RMND1: variants seen among roughly 807,000 people sequenced by gnomAD.
RMND1 encodes required for meiotic nuclear division 1 homolog.
Under a neutral mutation model 54.0 loss-of-function variants are expected in RMND1, and 41 were observed. The observed-to-expected ratio is 0.76, with a 90% CI of 0.59 to 0.98. The LOEUF (loss-of-function observed/expected upper bound fraction) is 0.98, where lower values mean the gene tolerates loss of function less well. RMND1 is among the 50% of genes least tolerant of loss of function. The probability of loss-of-function intolerance (pLI) is 0.00; values close to 1 mark genes in which losing one functional copy is unlikely to be tolerated. For synonymous variants in RMND1, 183 were observed against 181.7 expected, an observed-to-expected ratio of 1.01 and a Z score of -0.06; for missense variants, 457 against 532.0, an observed-to-expected ratio of 0.86 and a Z score of 1.39.
intron 10 of RMND1, among the ~76,000 whole-genome samples, chr6:151,406,351 C>CT (rs34311470): frequency 4.7e-5 from 7 of 149,570 alleles, no homozygotes; most frequent in South Asian, 2.1e-4. Context: ...GATGTGACAA[C>CT]TTTTTTTTTT....
chr6:151,418,965 T>A (rs1215403537), intron 9 of RMND1, among the ~76,000 whole-genome samples: 1 of 152,102 alleles, frequency 6.6e-6, no homozygotes, highest in Non-Finnish European at 1.5e-5. Context: ...AGATGGGGTT[T>A]CTCCATGTTG....
At chr6:151,430,943 T>A (rs1163328479) in intron 4 of RMND1, among the ~76,000 whole-genome samples, 1 of 151,740 alleles carries the variant, frequency 6.6e-6, no homozygotes, top group Non-Finnish European at 1.5e-5. Flanking sequence ...TGTGGGTCCA[T>A]GCTTAGTATT....
chr6:151,442,729 G>A (rs1780820137), intron 2 of RMND1, among the ~76,000 whole-genome samples: 4 of 146,154 alleles, frequency 2.7e-5, no homozygotes, highest in Non-Finnish European at 4.5e-5. Context: ...TTTTAGAAAT[G>A]GGAGTCTTGC....
At chr6:151,416,468 G>A (rs1279362487) in intron 10 of RMND1, 1 of 139,728 alleles carries the variant, frequency 7.2e-6, no homozygotes, top group East Asian at 2.1e-4. Context: ...CTGTCATCCA[G>A]GCTGGAGTGC....
chr6:151,406,888 G>A (rs1020424776), intron 10 of RMND1, among the ~76,000 whole-genome samples: 4 of 152,026 alleles, frequency 2.6e-5, no homozygotes, highest in African/African-American at 7.2e-5. Flanking sequence ...GGCTGGGCTC[G>A]GTGGCTTATG....
At chr6:151,438,987 A>G (rs951473805) in intron 2 of RMND1, among the ~76,000 whole-genome samples, 7 of 152,028 alleles carry the variant, frequency 4.6e-5, no homozygotes, top group African/African-American at 1.7e-4. Context: ...GGTGGCACAC[A>G]CCTGTAATCC....
At chr6:151,412,581 C>T (rs1712074959) in intron 10 of RMND1, among the ~76,000 whole-genome samples, 1 of 152,142 alleles carries the variant, frequency 6.6e-6, no homozygotes, top group African/African-American at 2.4e-5. Context: ...TGTATTAGTC[C>T]AGTCTCTCAC....
intron 10 of RMND1, among the ~76,000 whole-genome samples, chr6:151,415,866 G>C (rs955502269): frequency 6.6e-6 from 1 of 151,962 alleles, no homozygotes; most frequent in African/African-American, 2.4e-5. Flanking sequence ...CAAAATTATG[G>C]AGATGGAGAA....
chr6:151,451,377 C>A (rs1296818450), intron 1 of RMND1, among the ~76,000 whole-genome samples: 1 of 151,952 alleles, frequency 6.6e-6, no homozygotes, highest in Non-Finnish European at 1.5e-5. Flanking sequence ...GACAATACAG[C>A]TGAAAATAAA....
intron 10 of RMND1, among the ~76,000 whole-genome samples, chr6:151,416,128 G>A (rs1039536508): frequency 1.3e-4 from 19 of 151,558 alleles, no homozygotes; most frequent in Middle Eastern, 3.2e-3. Flanking sequence ...ACAGGCACGC[G>A]CCACCACACC....
intron 2 of RMND1, among the ~76,000 whole-genome samples, chr6:151,439,671 A>G (rs1780714177): frequency 1.3e-5 from 2 of 152,006 alleles, no homozygotes; most frequent in South Asian, 2.1e-4. Context: ...TATTATTATT[A>G]TATTTTTGAG....
chr6:151,415,993 T>C (rs1418739875), intron 10 of RMND1, among the ~76,000 whole-genome samples: 1 of 151,804 alleles, frequency 6.6e-6, no homozygotes, highest in Admixed American at 6.6e-5. Flanking sequence ...GTTTTGTTTT[T>C]TTTGAGATGG....
At chr6:151,421,090 T>C in intron 9 of RMND1, 155 bp downstream of exon 9, 1 of 598,098 alleles carries the variant, frequency 1.7e-6, no homozygotes, top group Non-Finnish European at 3.0e-6. Flanking sequence ...CTACTTCTAA[T>C]GGGTAAGAGT....
chr6:151,407,391 G>A (rs1292894942), intron 10 of RMND1, among the ~76,000 whole-genome samples: 1 of 151,936 alleles, frequency 6.6e-6, no homozygotes, highest in Non-Finnish European at 1.5e-5. Context: ...CCTTAAGCTT[G>A]CTTCTCTCTT....
At chr6:151,450,733 G>T (rs1781145635) in intron 1 of RMND1, among the ~76,000 whole-genome samples, 1 of 151,846 alleles carries the variant, frequency 6.6e-6, no homozygotes, top group Non-Finnish European at 1.5e-5. Context: ...GGGACGGGAT[G>T]ACAATGGCGG....
chr6:151,406,749 A>G (rs1779637900), intron 10 of RMND1, among the ~76,000 whole-genome samples: 2 of 152,350 alleles, frequency 1.3e-5, no homozygotes, highest in South Asian at 4.1e-4. Context: ...TCTCATGGGT[A>G]TGCTGAAGTT....
rs1286657591 is a variant in RMND1, at chr6:151,404,918, G to C, written c.*317C>G. The C allele has an allele frequency of 4.5e-6, 1 of 220,142 alleles. No individual in the cohort carries two copies. Among genetic ancestry groups the C allele is most frequent in the Admixed American group, 5.8e-5 (1 of 17,262 alleles). The allele number at this position is 220,142 out of a possible 1,614,324, so 13.6% of individuals were successfully genotyped here. A position where few individuals can be genotyped will look rare whatever the true frequency, so the allele number is the denominator to read the frequency against. On this transcript the variant is annotated 3_prime_UTR_variant, in exon 12 of 12. Coordinates refer to ENST00000444024, the MANE Select transcript of RMND1 (RefSeq NM_017909.4). ...CTGAGTCTCACTGTTGCCCTGGCTG[G>C]AGTGCAGTGGTGTGATCTTAGCTCA... is the stretch of plus-strand genomic sequence containing the variant.
chr6:151,437,182 C>G (rs1384758317), intron 2 of RMND1, among the ~76,000 whole-genome samples: 1 of 152,158 alleles, frequency 6.6e-6, no homozygotes, highest in Admixed American at 6.5e-5. Flanking sequence ...CACTATGGCT[C>G]AATGCTGTGT....
At chr6:151,444,237 G>T (rs567965077) in intron 2 of RMND1, among the ~76,000 whole-genome samples, 1 of 152,170 alleles carries the variant, frequency 6.6e-6, no homozygotes, top group African/African-American at 2.4e-5. Context: ...ATGAATTCAG[G>T]TTTTTACACT....
Sources: allele counts gnomAD v4.1 joint callset (sites outside exome capture counted in the v4.1 genomes callset), GRCh38; gene constraint gnomAD v4.1.1; transcripts MANE v1.5; gene names NCBI Gene and HGNC (gene_info 2026-07-23, HGNC 2026-07-21).